Variants in PCBP3 observed in about 807,000 individuals in gnomAD.
PCBP3 encodes the protein poly(rC)-binding protein 3.
Under a neutral mutation model 52.7 loss-of-function variants are expected in PCBP3, and 25 were observed. The observed-to-expected ratio is 0.47, with a 90% CI of 0.35 to 0.66. The LOEUF is 0.66. PCBP3 is among the 30% of genes least tolerant of loss of function. PCBP3 has a pLI of 0.01. For synonymous variants in PCBP3, 162 were observed against 183.0 expected, an observed-to-expected ratio of 0.89 and a Z score of 0.93; for missense variants, 391 against 490.3, an observed-to-expected ratio of 0.80 and a Z score of 1.91.
intron 4 of PCBP3, among the ~76,000 whole-genome samples, chr21:45,783,838 T>C (rs1293553494): frequency 6.6e-6 from 1 of 152,160 alleles, no homozygotes; most frequent in Non-Finnish European, 1.5e-5. Context: ...GATGGCAGTT[T>C]CCTCCTCACC....
rs2084027878 is a variant in PCBP3, at chr21:45,713,879, C to T, written c.-199-21513C>T. ...GATTTCTGTTTTCTTCATTTGCATG[C>T]AATATTTTATTGTTGTCTTATGAAA... On this transcript the variant is annotated intron_variant, in intron 2 of 17. Coordinates refer to ENST00000681687, the MANE Select transcript of PCBP3 (RefSeq NM_001384156.1). Among the ~76,000 whole-genome samples, 2 of 152,300 alleles carry T rather than the reference C, an allele frequency of 1.3e-5. 1 individual carries two copies. Among genetic ancestry groups the T allele is most frequent in the Middle Eastern group, 6.8e-3 (2 of 294 alleles).
chr21:45,775,602 A>C (rs1008892332), intron 4 of PCBP3, among the ~76,000 whole-genome samples: 2 of 152,092 alleles, frequency 1.3e-5, no homozygotes, highest in Non-Finnish European at 2.9e-5. Flanking sequence ...ATTTTTCTTT[A>C]GAGATAAGGT....
chr21:45,914,423 CA>C (rs1301975978), intron 12 of PCBP3: 2 of 412,670 alleles, frequency 4.8e-6, no homozygotes, highest in Non-Finnish European at 8.6e-6. Flanking sequence ...TCCGTGTTCC[CA>C]AACTCCCAGG....
chr21:45,790,057 G>A (rs898314426), intron 4 of PCBP3, among the ~76,000 whole-genome samples: 9 of 152,224 alleles, frequency 5.9e-5, no homozygotes, highest in African/African-American at 1.9e-4. Flanking sequence ...GGAGAATGGC[G>A]TGAACCCGGG....
chr21:45,814,821 GTGGTGAGTGAGTGGTGAA>G lies in PCBP3; in HGVS notation c.-125-35137_-125-35120del, dbSNP rs1309095545. Among the ~76,000 whole-genome samples, 85 of 133,710 alleles carry G rather than the reference GTGGTGAGTGAGTGGTGAA, an allele frequency of 6.4e-4. 6 individuals are homozygous for G. Among genetic ancestry groups the G allele is most frequent in the African/African-American group, 2.1e-3 (71 of 33,944 alleles). 87.7% of individuals were successfully genotyped at this position (133,710 alleles called of 152,430 possible). On this transcript the variant is annotated intron_variant, in intron 4 of 17. Transcript: ENST00000681687. ...GTGGTGAGTGGTGAGTGAGTGGTGA[GTGGTGAGTGAGTGGTGAA>G]TGATGAGTGAGTGGTGAGTGATGAG...
At position 45,929,985 on chromosome 21, in the gene PCBP3, C is replaced by T. The variant is rs190620473; in HGVS notation, c.786C>T (p.Pro262=). ...TPFPPLGQTN[P]AFPGEKLPLH... is the part of the protein sequence containing the mutation. ...TTCCTCCCCTCGGACAGACCAACCC[C>T]GCTTTCCCCGGTACGTACCCAGCCC... is the stretch of plus-strand genomic sequence containing the variant. The change falls in exon 14 of 18, where the codon CCC becomes CCT. Residue 262 remains proline, a synonymous_variant. Coordinates refer to ENST00000681687, the MANE Select transcript of PCBP3 (RefSeq NM_001384156.1). The T allele has an allele frequency of 6.1e-5, 99 of 1,612,676 alleles. No individual in the cohort carries two copies. Among genetic ancestry groups the T allele is most frequent in the East Asian group, 5.8e-4 (26 of 44,884 alleles).
chr21:45,903,958 C>CT (rs2096132553), intron 9 of PCBP3, among the ~76,000 whole-genome samples: 1 of 152,126 alleles, frequency 6.6e-6, no homozygotes, highest in Admixed American at 6.5e-5. Flanking sequence ...GGACTGATTC[C>CT]TTGGAGTTTC....
Position 45,938,296 on chromosome 21 carries a change from G to A in PCBP3, c.910-1734G>A, listed in dbSNP as rs147253370. ...GTGTTAGGGAGGAAAGCGGCTGCGT[G>A]CTGGCCAAGGAGGGGTATAGGAAGT... On this transcript the variant is annotated intron_variant, in intron 16 of 17. Coordinates refer to ENST00000681687, the MANE Select transcript of PCBP3 (RefSeq NM_001384156.1). 5.7e-4 allele frequency among the ~76,000 whole-genome samples: 87 copies of A among 152,360 alleles called. 2 individuals carry two copies. In the East Asian group the frequency reaches 0.012, roughly 21 times the overall value.
intron 1 of PCBP3, among the ~76,000 whole-genome samples, chr21:45,648,562 C>A (rs2079478532): frequency 6.6e-6 from 1 of 152,236 alleles, no homozygotes. Context: ...ATGCACTTAC[C>A]ACTGAGATTG....
intron 5 of PCBP3, chr21:45,893,811 A>C: frequency 1.0e-6 from 1 of 985,394 alleles, no homozygotes; most frequent in Non-Finnish European, 1.2e-6. Context: ...AACGGGCTCC[A>C]TTCTGAGAAA....
intron 4 of PCBP3, among the ~76,000 whole-genome samples, chr21:45,815,687 GA>G (rs2092908664): frequency 1.0e-5 from 1 of 99,470 alleles, no homozygotes; most frequent in Non-Finnish European, 2.0e-5. Context: ...AGTGGTGAGT[GA>G]GTGGTGAGTG....
At position 45,910,917 on chromosome 21, in the gene PCBP3, G is replaced by C; in HGVS notation, c.487G>C (p.Val163Leu). Residue 163 changes from valine (V) to leucine (L), a missense_variant, in exon 11 of 18, where the codon GTG (valine) becomes CTG (leucine). Val to Leu is a conservative substitution (Grantham distance 32). Transcript: ENST00000681687. ...KEIRESTGAQ[V>L]QVAGDMLPNS... is the part of the protein sequence containing the mutation. ...CTCTCTCCAGTCCACAGGTGCCCAG[G>C]TGCAGGTGGCTGGGGACATGCTGCC... 6.2e-7 allele frequency: 1 copy of C among 1,608,642 alleles called. No homozygotes were observed. Among genetic ancestry groups the C allele is most frequent in the Non-Finnish European group, 8.5e-7 (1 of 1,178,560 alleles).
At chr21:45,786,158 C>G (rs1255481310) in intron 4 of PCBP3, among the ~76,000 whole-genome samples, 1 of 143,298 alleles carries the variant, frequency 7.0e-6, no homozygotes, top group East Asian at 2.0e-4. Context: ...ATAAATAAAT[C>G]ATATCAAAGT....
chr21:45,849,157 C>T (rs2093894327), intron 4 of PCBP3, among the ~76,000 whole-genome samples: 2 of 150,952 alleles, frequency 1.3e-5, no homozygotes, highest in South Asian at 2.1e-4. Flanking sequence ...CTACTCTTTC[C>T]ATCCTTCCTT....
chr21:45,727,570 A>G (rs2085144561), intron 2 of PCBP3, among the ~76,000 whole-genome samples: 1 of 152,144 alleles, frequency 6.6e-6, no homozygotes, highest in Non-Finnish European at 1.5e-5. Flanking sequence ...CACAGGAGGA[A>G]TGGGTGAGGC....
chr21:45,899,504 C>T (rs1212697395), intron 6 of PCBP3, 95 bp from the exon 7 acceptor site: 40 of 897,096 alleles, frequency 4.5e-5, no homozygotes, highest in Non-Finnish European at 6.3e-5. Flanking sequence ...GCACTCATAC[C>T]GGGAAGGTAG....
intron 2 of PCBP3, among the ~76,000 whole-genome samples, chr21:45,728,945 A>G (rs1857616104): frequency 6.6e-6 from 1 of 152,222 alleles, no homozygotes; most frequent in Admixed American, 6.5e-5. Context: ...ATTAAAGTAC[A>G]CCAAATTAAA....
chr21:45,917,817 T>G lies in PCBP3; in HGVS notation c.717+188T>G, dbSNP rs1331450806. On this transcript the variant is annotated intron_variant, in intron 13 of 17. Transcript: ENST00000681687. This position sits in a 1 kb window ranked among gnomAD's most constrained non-coding sequence, Gnocchi z 5.3. ...TTTAACCTCTTAGCACTAATTCTGC[T>G]TGTGTTGAGGACTTGGCCTGATGTC... The G allele has an allele frequency of 1.6e-6, 1 of 640,504 alleles. No homozygotes were observed. Among genetic ancestry groups the G allele is most frequent in the African/African-American group, 1.8e-5 (1 of 55,816 alleles). The allele number at this position is 640,504 out of a possible 1,614,324, so 39.7% of individuals were successfully genotyped here. A position where few individuals can be genotyped will look rare whatever the true frequency, so the allele number is the denominator to read the frequency against.
At chr21:45,897,806 T>C (rs2095870075) in intron 6 of PCBP3, among the ~76,000 whole-genome samples, 1 of 152,168 alleles carries the variant, frequency 6.6e-6, no homozygotes, top group Admixed American at 6.5e-5. Flanking sequence ...CTGTGGGTCC[T>C]GGGCTGCACC....
Sources: gnomAD v4.1 joint callset for allele counts (sites outside exome capture counted in the v4.1 genomes callset) on GRCh38, gnomAD v4.1.1 for gene constraint, Gnocchi (gnomAD v3.1) non-coding constraint, MANE v1.5 for transcripts, NCBI Gene and HGNC (gene_info 2026-07-23, HGNC 2026-07-21) for gene names.